The following MTUS2 variants were observed in gnomAD, a reference collection of about 807,000 sequenced individuals.
The protein encoded by MTUS2 is microtubule-associated tumor suppressor candidate 2.
MTUS2 carries 40 observed loss-of-function variants against 114.1 expected under a neutral mutation model. The observed-to-expected ratio is 0.35, with a 90% CI of 0.27 to 0.46. MTUS2 has a LOEUF of 0.46. Among genes scored for constraint, MTUS2 ranks in the 20% least tolerant of loss-of-function variants. MTUS2 has a pLI of 1.00. For missense variants in MTUS2, 1,679 were observed against 1,705.4 expected (o/e 0.98, Z 0.27); for synonymous variants, 688 against 672.0 (o/e 1.02, Z -0.37).
At chr13:29,397,913 A>G (rs1874026839) in intron 8 of MTUS2, among the ~76,000 whole-genome samples, 1 of 152,248 alleles carries the variant, frequency 6.6e-6, no homozygotes, top group African/African-American at 2.4e-5. Context: ...AAATCATTAT[A>G]TTCTTTCACA....
chr13:28,970,563 G>T (rs1883807981), intron 2 of MTUS2, among the ~76,000 whole-genome samples: 3 of 152,224 alleles, frequency 2.0e-5, no homozygotes, highest in Admixed American at 2.0e-4. Context: ...GAAAAAGTTT[G>T]CATCCTTCTG....
chr13:29,301,185 G>A (rs1188443306), intron 6 of MTUS2, among the ~76,000 whole-genome samples: 1 of 152,172 alleles, frequency 6.6e-6, no homozygotes, highest in Non-Finnish European at 1.5e-5. Flanking sequence ...GTTGGTGGTA[G>A]CCTTTCATCT....
rs531549369 is a variant in MTUS2, at chr13:29,324,726, T to C, written c.2905+15T>C. 3.2e-6 allele frequency: 5 copies of C among 1,572,786 alleles called. No individual in the cohort carries two copies. Among genetic ancestry groups the C allele is most frequent in the South Asian group, 1.2e-5 (1 of 86,164 alleles). On this transcript the variant is annotated intron_variant, in intron 7 of 15. Coordinates refer to ENST00000612955, the MANE Select transcript of MTUS2 (RefSeq NM_001033602.4). ...TCATTCACCAGGTATGTAAGAAATA[T>C]GATGTGTTCCTTGGGGGAATGACTT... is the stretch of plus-strand genomic sequence containing the variant.
intron 2 of MTUS2, among the ~76,000 whole-genome samples, chr13:28,892,829 T>C (rs750245350): frequency 3.3e-5 from 5 of 152,126 alleles, no homozygotes; most frequent in Non-Finnish European, 7.3e-5. Context: ...AGGCAGAAAG[T>C]GATGCAAGCC....
intron 4 of MTUS2, among the ~76,000 whole-genome samples, chr13:29,038,159 T>C (rs542447480): frequency 1.3e-5 from 2 of 152,368 alleles, no homozygotes; most frequent in South Asian, 4.1e-4. Flanking sequence ...TTTATCTACC[T>C]TTGTTATTTG....
At chr13:29,317,907 C>T (rs1383415658) in intron 6 of MTUS2, among the ~76,000 whole-genome samples, 1 of 152,184 alleles carries the variant, frequency 6.6e-6, no homozygotes, top group South Asian at 2.1e-4. Flanking sequence ...CTGATTACAT[C>T]ATTCATGTTT....
intron 8 of MTUS2, among the ~76,000 whole-genome samples, chr13:29,388,559 C>T (rs1442009476): frequency 2.0e-5 from 3 of 151,724 alleles, no homozygotes; most frequent in African/African-American, 7.3e-5. Context: ...CCCAACTTAA[C>T]AAACAGCTGA....
chr13:28,923,061 G>T (rs1881136802), intron 2 of MTUS2, among the ~76,000 whole-genome samples: 1 of 151,954 alleles, frequency 6.6e-6, no homozygotes, highest in South Asian at 2.1e-4. Context: ...TTAAAATTGG[G>T]TAAATTTTAT....
chr13:29,303,038 C>G (rs1593279896), intron 6 of MTUS2, among the ~76,000 whole-genome samples: 1 of 152,160 alleles, frequency 6.6e-6, no homozygotes, highest in Non-Finnish European at 1.5e-5. Context: ...GGAGCAGACC[C>G]CCAGAAAACC....
intron 5 of MTUS2, among the ~76,000 whole-genome samples, chr13:29,173,096 CT>C (rs1238804493): frequency 2.0e-5 from 3 of 151,902 alleles, no homozygotes; most frequent in East Asian, 1.9e-4. Flanking sequence ...ATTGCACCTG[CT>C]TTTTTTATTG....
At chr13:29,226,217 A>T (rs962314370) in intron 5 of MTUS2, among the ~76,000 whole-genome samples, 1 of 152,228 alleles carries the variant, frequency 6.6e-6, no homozygotes, top group East Asian at 1.9e-4. Context: ...AAGTTAAAAG[A>T]TACATGTTTA....
intron 2 of MTUS2, among the ~76,000 whole-genome samples, chr13:29,002,602 CT>C: frequency 6.6e-6 from 1 of 152,114 alleles, no homozygotes; most frequent in Non-Finnish European, 1.5e-5. Flanking sequence ...GATGCAAGGG[CT>C]TTCATACAGT....
intron 1 of MTUS2, among the ~76,000 whole-genome samples, chr13:28,831,369 T>C (rs1874666214): frequency 6.6e-6 from 1 of 152,032 alleles, no homozygotes; most frequent in South Asian, 2.1e-4. Context: ...AAACATGAAA[T>C]AAACATGACT....
rs778526881 is a variant in MTUS2 at position 29,503,108 on chromosome 13, C to T, written c.4012C>T (p.Pro1338Ser). 1.2e-6 allele frequency: 2 copies of T among 1,614,084 alleles called. No individual in the cohort carries two copies. Among genetic ancestry groups the T allele is most frequent in the African/African-American group, 2.7e-5 (2 of 74,926 alleles). ...ELLWKLQTGD[P>S]TSPIKLSPTS... ...GCTTTGGAAGCTCCAAACTGGGGACCCGACCAGTCCGATTAAACTCTCGCC... is the reference window on the plus strand; with the variant it reads ...GCTTTGGAAGCTCCAAACTGGGGACTCGACCAGTCCGATTAAACTCTCGCC... Residue 1338 changes from proline to serine, a missense_variant, in exon 16 of 16, where the codon CCG becomes TCG. Coordinates refer to ENST00000612955, the MANE Select transcript of MTUS2 (RefSeq NM_001033602.4).
intron 2 of MTUS2, among the ~76,000 whole-genome samples, chr13:29,016,559 A>G (rs1369758780): frequency 2.6e-5 from 4 of 152,144 alleles, no homozygotes; most frequent in Non-Finnish European, 5.9e-5. Flanking sequence ...ATAGCAGCAT[A>G]TATCATTTAT....
At chr13:29,315,546 C>A (rs1039811228) in intron 6 of MTUS2, among the ~76,000 whole-genome samples, 2 of 152,108 alleles carry the variant, frequency 1.3e-5, no homozygotes, top group South Asian at 4.1e-4. Flanking sequence ...TGTGCTGTGG[C>A]CACAGTGATA....
chr13:29,241,472 A>C (rs936728511), intron 5 of MTUS2, among the ~76,000 whole-genome samples: 3 of 152,092 alleles, frequency 2.0e-5, no homozygotes, highest in African/African-American at 7.2e-5. Context: ...ACGCCAGCAC[A>C]CTATACTGAC....
At chr13:29,241,581 G>C (rs1896736148) in intron 5 of MTUS2, among the ~76,000 whole-genome samples, 1 of 152,048 alleles carries the variant, frequency 6.6e-6, no homozygotes, top group Admixed American at 6.6e-5. Flanking sequence ...TCAAACCCCT[G>C]CCTACCCAGT....
chr13:28,846,394 G>A (rs910712284), intron 2 of MTUS2, among the ~76,000 whole-genome samples: 50 of 152,254 alleles, frequency 3.3e-4, no homozygotes, highest in Middle Eastern at 3.4e-3. Context: ...GTTCTAAGAG[G>A]CATTTCAGTT....
Sources: gnomAD v4.1 joint callset for allele counts (sites outside exome capture counted in the v4.1 genomes callset) on GRCh38, gnomAD v4.1.1 for gene constraint, MANE v1.5 for transcripts, NCBI Gene and HGNC (gene_info 2026-07-23, HGNC 2026-07-21) for gene names.